The following CNTN5 variants were observed in gnomAD, a reference collection of about 807,000 sequenced individuals.
CNTN5 encodes contactin 5.
Under a neutral mutation model 129.1 loss-of-function variants are expected in CNTN5, and 77 were observed. The observed-to-expected ratio is 0.60, with a 90% CI of 0.50 to 0.72. The LOEUF (loss-of-function observed/expected upper bound fraction) is 0.72, where lower values mean the gene tolerates loss of function less well. Ranked by LOEUF, CNTN5 falls within the 30% of genes least tolerant of loss-of-function variation. The pLI is 0.00. For missense variants in CNTN5, 1,478 were observed against 1,328.8 expected (o/e 1.11, Z -1.75); for synonymous variants, 509 against 465.6 (o/e 1.09, Z -1.20).
At chr11:99,796,280 A>C (rs1945935802) in intron 3 of CNTN5, among the ~76,000 whole-genome samples, 1 of 152,002 alleles carries the variant, frequency 6.6e-6, no homozygotes, top group African/African-American at 2.4e-5. Context: ...ACAGTCAGGG[A>C]GTGGCAGGGT....
chr11:99,044,860 T>C (rs374917706), intron 1 of CNTN5, among the ~76,000 whole-genome samples: 7 of 152,282 alleles, frequency 4.6e-5, no homozygotes, highest in Non-Finnish European at 8.8e-5. Flanking sequence ...ATCAATGTTA[T>C]TAGGAGAGAC....
At chr11:99,436,149 T>C (rs1357216059) in intron 2 of CNTN5, among the ~76,000 whole-genome samples, 6 of 152,170 alleles carry the variant, frequency 3.9e-5, no homozygotes, top group Admixed American at 2.6e-4. Flanking sequence ...AGACACCTGA[T>C]TTGAATTCCA....
chr11:99,860,054 G>A (rs1188174561), intron 6 of CNTN5, among the ~76,000 whole-genome samples: 2 of 152,072 alleles, frequency 1.3e-5, no homozygotes, highest in Non-Finnish European at 2.9e-5. Context: ...GTGTGAGATG[G>A]TATTTCATTG....
chr11:99,637,981 G>T (rs1951628605), intron 3 of CNTN5, among the ~76,000 whole-genome samples: 1 of 152,084 alleles, frequency 6.6e-6, no homozygotes, highest in South Asian at 2.1e-4. Flanking sequence ...ATCTCATAAT[G>T]ATGTTTCAGT....
In CNTN5 at chr11:99,325,373, C is replaced by T. The variant is rs888491171; in HGVS notation, c.-182C>T. ...GTCTTTAAAGGATTGCCATTTAATG[C>T]CATTCAAGATCTACTAAGCATCATT... On this transcript the variant is annotated 5_prime_UTR_variant, in exon 2 of 25. Transcript: ENST00000524871. 6.6e-6 allele frequency: 1 copy of T among 151,956 alleles called. No individual in the cohort carries two copies. The highest frequency in any genetic ancestry group is 1.5e-5 in the Non-Finnish European group (1 of 67,992). 9.4% of individuals were successfully genotyped at this position (151,956 alleles called of 1,614,324 possible). A position where few individuals can be genotyped will look rare whatever the true frequency, so the allele number is the denominator to read the frequency against.
intron 1 of CNTN5, among the ~76,000 whole-genome samples, chr11:99,064,269 T>A (rs1218257118): frequency 1.3e-5 from 2 of 152,160 alleles, no homozygotes; most frequent in Non-Finnish European, 2.9e-5. Context: ...TTAGGGGCAC[T>A]TAACTTCACT....
chr11:100,308,302 G>T, intron 20 of CNTN5, 57 bp from the exon 21 acceptor site: 1 of 1,504,676 alleles, frequency 6.6e-7, no homozygotes, highest in Non-Finnish European at 9.1e-7. Flanking sequence ...AGACTCAGGC[G>T]CAATACTTTG....
intron 3 of CNTN5, among the ~76,000 whole-genome samples, chr11:99,750,321 C>A (rs1944188800): frequency 6.6e-6 from 1 of 151,968 alleles, no homozygotes; most frequent in Admixed American, 6.6e-5. Flanking sequence ...GTTTCTTTGA[C>A]AGTTTGGAAA....
chr11:99,544,968 C>T (rs1948243473), intron 2 of CNTN5, among the ~76,000 whole-genome samples: 1 of 152,170 alleles, frequency 6.6e-6, no homozygotes. Flanking sequence ...CTTTGTAATT[C>T]CTTTGCCAAC....
At chr11:99,921,369 C>G (rs1023077621) in intron 7 of CNTN5, among the ~76,000 whole-genome samples, 3 of 152,164 alleles carry the variant, frequency 2.0e-5, no homozygotes, top group Admixed American at 1.3e-4. Context: ...ACCTTAAGGC[C>G]TTTGCAGTCG....
chr11:100,144,837 T>C (rs566984857), intron 13 of CNTN5, among the ~76,000 whole-genome samples: 39 of 152,098 alleles, frequency 2.6e-4, no homozygotes, highest in African/African-American at 9.2e-4. Flanking sequence ...TGTTAAAAAA[T>C]TGATTATTCT....
chr11:99,636,561 T>C (rs559875032), intron 3 of CNTN5, among the ~76,000 whole-genome samples: 255 of 151,938 alleles, frequency 1.7e-3, no homozygotes, highest in Non-Finnish European at 2.8e-3. Flanking sequence ...AGTAGAAGAT[T>C]GAAGGGCAAA....
At chr11:99,482,947 G>A (rs1347408797) in intron 2 of CNTN5, among the ~76,000 whole-genome samples, 5 of 151,842 alleles carry the variant, frequency 3.3e-5, no homozygotes, top group Admixed American at 6.6e-5. Context: ...ATACTGAGGC[G>A]GGTGGATCAC....
chr11:99,187,872 G>C (rs928201732), intron 1 of CNTN5, among the ~76,000 whole-genome samples: 5 of 149,096 alleles, frequency 3.4e-5, no homozygotes, highest in African/African-American at 4.9e-5. Flanking sequence ...AAACCACATA[G>C]CATTATACAT....
chr11:100,136,991 A>G (rs1481010182), intron 13 of CNTN5, among the ~76,000 whole-genome samples: 1 of 152,020 alleles, frequency 6.6e-6, no homozygotes, highest in East Asian at 1.9e-4. Context: ...AAAATAAAAT[A>G]TATACTTACT....
chr11:100,340,487 C>A lies in CNTN5; in HGVS notation c.2755C>A (p.Gln919Lys). The A allele has an allele frequency of 6.2e-7, 1 of 1,610,506 alleles. No individual in the cohort carries two copies. The highest frequency in any genetic ancestry group is 8.5e-7 in the Non-Finnish European group (1 of 1,178,220). The change falls in exon 22 of 25, where the codon CAG (glutamine) becomes AAG (lysine). Residue 919 changes from glutamine (Q) to lysine (K), a missense_variant. Gln to Lys is a moderately conservative substitution (Grantham distance 53). Transcript: ENST00000524871. ...FEVGYWKDME[Q>K]EDTAETVKTR... is the part of the protein sequence containing the mutation. ...GGTTGGTTACTGGAAAGACATGGAA[C>A]AGGAAGATACAGCAGAAACAGTCAA...
intron 3 of CNTN5, among the ~76,000 whole-genome samples, chr11:99,778,219 G>A (rs962368689): frequency 6.6e-6 from 1 of 151,496 alleles, no homozygotes; most frequent in African/African-American, 2.4e-5. Context: ...CATTCTTTAG[G>A]TATGTCCTGC....
chr11:99,082,958 A>G (rs1241432083), intron 1 of CNTN5, among the ~76,000 whole-genome samples: 2 of 152,020 alleles, frequency 1.3e-5, no homozygotes, highest in Non-Finnish European at 2.9e-5. Flanking sequence ...AGATTTTAGG[A>G]TTATGGTAAT....
rs66468227 is a variant in CNTN5 at position 100,127,651 on chromosome 11, C to CTTTTTTTTTTT, written c.1580+53371_1580+53381dup. On this transcript the variant is annotated intron_variant, in intron 13 of 24. Transcript: ENST00000524871. The stretch of plus-strand genomic sequence containing the variant: ...ACAGACTTTCTGACTTTCTTTCTTT[C>CTTTTTTTTTTT]TTTTTTTTTTTTTTTTTTTTTTTTG... 1.0e-3 allele frequency among the ~76,000 whole-genome samples: 84 copies of CTTTTTTTTTTT among 81,298 alleles called. 1 individual carries two copies. Among genetic ancestry groups the CTTTTTTTTTTT allele is most frequent in the African/African-American group, 3.1e-3 (62 of 19,994 alleles). 53.3% of individuals were successfully genotyped at this position (81,298 alleles called of 152,430 possible). A position where few individuals can be genotyped will look rare whatever the true frequency, so the allele number is the denominator to read the frequency against.
Sources: gnomAD v4.1 joint callset for allele counts (sites outside exome capture counted in the v4.1 genomes callset) on GRCh38, gnomAD v4.1.1 for gene constraint, MANE v1.5 for transcripts, NCBI Gene and HGNC (gene_info 2026-07-23, HGNC 2026-07-21) for gene names.